ATP8A2: variants seen among roughly 807,000 people sequenced by gnomAD.
ATP8A2 encodes phospholipid-transporting ATPase IB.
ATP8A2 carries 100 observed loss-of-function variants against 165.6 expected under a neutral mutation model. The ratio of observed to expected loss-of-function variants is 0.60; its 90% CI spans 0.51 to 0.71. The LOEUF is 0.71. ATP8A2 is among the 30% of genes least tolerant of loss of function. The probability of loss-of-function intolerance (pLI) is 0.00; values close to 1 mark genes in which losing one functional copy is unlikely to be tolerated. For synonymous variants in ATP8A2, 543 were observed against 548.8 expected (o/e 0.99, Z 0.15); for missense variants, 1,227 against 1,479.5 (o/e 0.83, Z 2.80).
At chr13:25,604,212 CAA>C (rs2040461343) in intron 24 of ATP8A2, among the ~76,000 whole-genome samples, 1 of 152,018 alleles carries the variant, frequency 6.6e-6, no homozygotes, top group Admixed American at 6.6e-5. Flanking sequence ...CCAACTGGAA[CAA>C]AGTCTTTCAA....
At chr13:25,848,171 A>G (rs1951916294) in intron 30 of ATP8A2, among the ~76,000 whole-genome samples, 1 of 152,246 alleles carries the variant, frequency 6.6e-6, no homozygotes, top group Non-Finnish European at 1.5e-5. Flanking sequence ...ATCTGTGAGT[A>G]CGAACTTCTG....
chr13:25,784,016 G>A (rs2044956587), intron 27 of ATP8A2, among the ~76,000 whole-genome samples: 1 of 151,906 alleles, frequency 6.6e-6, no homozygotes, highest in Non-Finnish European at 1.5e-5. Flanking sequence ...CAGTCTGGAG[G>A]GATTCCCTAC....
intron 27 of ATP8A2, among the ~76,000 whole-genome samples, chr13:25,786,173 C>T (rs1428268328): frequency 1.3e-5 from 2 of 152,130 alleles, no homozygotes; most frequent in African/African-American, 4.8e-5. Flanking sequence ...ACTCATCTCT[C>T]TTCTGGTAAA....
Position 25,985,139 on chromosome 13 carries a change from C to T in ATP8A2, c.3377+16460C>T, listed in dbSNP as rs376927698. 5.3e-5 allele frequency among the ~76,000 whole-genome samples: 8 copies of T among 152,280 alleles called. No homozygotes were observed. The East Asian group carries it at 1.2e-3, about 22-fold the overall frequency. Reference sequence around the variant, plus strand: ...CCCAGGGCACTGCTAATGCGGAGAACGTGGTTTGTCATACAAGACCTACTG... The same window carrying T: ...CCCAGGGCACTGCTAATGCGGAGAATGTGGTTTGTCATACAAGACCTACTG... On this transcript the variant is annotated intron_variant, in intron 35 of 36. Coordinates refer to ENST00000381655, the MANE Select transcript of ATP8A2 (RefSeq NM_016529.6).
chr13:25,707,290 A>G (rs989813034), intron 25 of ATP8A2, among the ~76,000 whole-genome samples: 3 of 152,224 alleles, frequency 2.0e-5, no homozygotes, highest in Non-Finnish European at 2.9e-5. Flanking sequence ...ATGGAGGGCA[A>G]TTCTCATCTT....
At chr13:25,890,547 A>T (rs1202990309) in intron 33 of ATP8A2, among the ~76,000 whole-genome samples, 1 of 152,252 alleles carries the variant, frequency 6.6e-6, no homozygotes, top group Non-Finnish European at 1.5e-5. Flanking sequence ...CCAGCAGACC[A>T]GCCTCACAAT....
chr13:25,975,498 C>T (rs1037339127), intron 35 of ATP8A2, among the ~76,000 whole-genome samples: 6 of 151,670 alleles, frequency 4.0e-5, no homozygotes, highest in African/African-American at 1.2e-4. Context: ...AGGAGAATGG[C>T]GTGAACCCGA....
At chr13:25,729,719 GA>G (rs941214303) in intron 25 of ATP8A2, among the ~76,000 whole-genome samples, 11 of 147,092 alleles carry the variant, frequency 7.5e-5, no homozygotes, top group African/African-American at 1.7e-4. Context: ...TTGTTAAACT[GA>G]AAAAAAAAAG....
chr13:25,926,608 A>G (rs955154761), intron 33 of ATP8A2, among the ~76,000 whole-genome samples: 1 of 152,206 alleles, frequency 6.6e-6, no homozygotes, highest in African/African-American at 2.4e-5. Context: ...GAAACATGCA[A>G]CAGATCATGG....
chr13:25,735,588 A>G (rs917146691), intron 25 of ATP8A2, among the ~76,000 whole-genome samples: 2 of 151,790 alleles, frequency 1.3e-5, no homozygotes, highest in African/African-American at 4.8e-5. Context: ...GTTAGAAAAA[A>G]AAACTGACAG....
At chr13:25,945,537 C>T (rs995584458) in intron 33 of ATP8A2, among the ~76,000 whole-genome samples, 2 of 152,156 alleles carry the variant, frequency 1.3e-5, no homozygotes, top group African/African-American at 4.8e-5. Context: ...TAATTCAAGT[C>T]TTTTCTCCCC....
At chr13:25,976,644 G>T (rs1420471228) in intron 35 of ATP8A2, among the ~76,000 whole-genome samples, 1 of 152,010 alleles carries the variant, frequency 6.6e-6, no homozygotes, top group East Asian at 1.9e-4. Context: ...GCATGTTGTT[G>T]TCTTTTAGAT....
intron 33 of ATP8A2, among the ~76,000 whole-genome samples, chr13:25,931,764 G>T (rs1158937896): frequency 1.3e-5 from 2 of 152,132 alleles, no homozygotes; most frequent in Non-Finnish European, 2.9e-5. Context: ...GGAAAAGCCA[G>T]GGCCAGGTGC....
chr13:25,572,156 A>G (rs1427216444), intron 18 of ATP8A2, among the ~76,000 whole-genome samples: 1 of 152,052 alleles, frequency 6.6e-6, no homozygotes, highest in Admixed American at 6.5e-5. Flanking sequence ...TCTTTTTGAG[A>G]CAGGGTCTCA....
intron 33 of ATP8A2, among the ~76,000 whole-genome samples, chr13:25,931,032 C>G (rs961295907): frequency 5.3e-5 from 8 of 152,194 alleles, no homozygotes; most frequent in African/African-American, 1.9e-4. Flanking sequence ...CAGAAGTGAC[C>G]TCTGCCTCCC....
intron 2 of ATP8A2, among the ~76,000 whole-genome samples, chr13:25,494,069 G>C (rs1203371251): frequency 6.6e-6 from 1 of 152,064 alleles, no homozygotes; most frequent in African/African-American, 2.4e-5. Context: ...GAAGGGGCTG[G>C]GGTAGGGCGG....
rs1415870322 is a variant in ATP8A2, at chr13:25,564,032, G to A, written c.1473+1G>A. 1 of 1,608,408 alleles carries A rather than the reference G, an allele frequency of 6.2e-7. No individual in the cohort carries two copies. The highest frequency in any genetic ancestry group is 1.3e-5 in the African/African-American group (1 of 74,788). ...GTTGAAGAACATTGAGGATCGCCATGTAAGTGCTCTGTTTTACTTCGAAGA... is the reference window on the plus strand; with the variant it reads ...GTTGAAGAACATTGAGGATCGCCATATAAGTGCTCTGTTTTACTTCGAAGA... On this transcript the variant is annotated splice_donor_variant, in intron 16 of 36. Transcript: ENST00000381655. LOFTEE classifies it high-confidence loss of function.
At chr13:25,655,880 C>T (rs930862367) in intron 24 of ATP8A2, among the ~76,000 whole-genome samples, 1 of 152,116 alleles carries the variant, frequency 6.6e-6, no homozygotes, top group Non-Finnish European at 1.5e-5. Flanking sequence ...TATTCGTGTG[C>T]AAATGGGCAG....
chr13:25,667,786 A>G (rs1349960824), intron 24 of ATP8A2, among the ~76,000 whole-genome samples: 1 of 150,934 alleles, frequency 6.6e-6, no homozygotes, highest in Non-Finnish European at 1.5e-5. Flanking sequence ...TTTTTTTTCT[A>G]GTGTACCCTT....
Sources: allele counts gnomAD v4.1 joint callset (sites outside exome capture counted in the v4.1 genomes callset), GRCh38; gene constraint gnomAD v4.1.1; transcripts MANE v1.5; gene names NCBI Gene and HGNC (gene_info 2026-07-23, HGNC 2026-07-21).